The following AGMO variants were observed in gnomAD, a reference collection of about 807,000 sequenced individuals.
AGMO encodes alkylglycerol monooxygenase.
A neutral mutation model predicts 60.2 loss-of-function variants in AGMO; 75 were observed. That is an observed-to-expected ratio of 1.25 (90% CI 1.03 to 1.51). AGMO has a LOEUF of 1.51. Ranked by LOEUF, AGMO falls within the 40% of genes most tolerant of loss-of-function variation. AGMO has a pLI of 0.00. For synonymous variants in AGMO, 261 were observed against 177.1 expected (o/e 1.47, Z -3.76); for missense variants, 763 against 525.5 (o/e 1.45, Z -4.42).
chr7:15,325,638 A>T (rs1295335472), intron 12 of AGMO, among the ~76,000 whole-genome samples: 1 of 152,106 alleles, frequency 6.6e-6, no homozygotes, highest in Non-Finnish European at 1.5e-5. Context: ...AGAAAAAATA[A>T]CTCAAAACTT....
chr7:15,136,494 A>AT, the AGMO span, among the ~76,000 whole-genome samples: 17 of 150,704 alleles, frequency 1.1e-4, 1 homozygote, highest in East Asian at 3.9e-4. Context: ...TAACATCTGT[A>AT]TTTTTTTTTT....
chr7:15,344,652 G>A (rs1781970379), intron 12 of AGMO, among the ~76,000 whole-genome samples: 1 of 152,060 alleles, frequency 6.6e-6, no homozygotes, highest in Non-Finnish European at 1.5e-5. Flanking sequence ...GAGTCGTGAT[G>A]GTACCACTGC....
chr7:15,177,602 C>G, the AGMO span, among the ~76,000 whole-genome samples: 1 of 152,108 alleles, frequency 6.6e-6, no homozygotes, highest in Non-Finnish European at 1.5e-5. Flanking sequence ...TTTTCCTCTA[C>G]TTCAGAAGAC....
chr7:15,391,058 T>C (rs1023463773), intron 6 of AGMO, among the ~76,000 whole-genome samples, 153 bp from the exon 7 acceptor site: 5 of 152,140 alleles, frequency 3.3e-5, no homozygotes, highest in Non-Finnish European at 4.4e-5. Flanking sequence ...ACATCAGATT[T>C]TATTGTCTAA....
the AGMO span, among the ~76,000 whole-genome samples, chr7:15,167,755 T>C: frequency 2.0e-5 from 3 of 152,210 alleles, no homozygotes; most frequent in African/African-American, 7.2e-5. Context: ...AACCTGTCTT[T>C]TAGCTGTATG....
intron 3 of AGMO, among the ~76,000 whole-genome samples, chr7:15,455,971 C>T (rs1224995172): frequency 6.6e-6 from 1 of 152,020 alleles, no homozygotes; most frequent in Non-Finnish European, 1.5e-5. Context: ...TTTCTTAATG[C>T]ATTTTTTTAT....
intron 5 of AGMO, among the ~76,000 whole-genome samples, chr7:15,397,997 G>C (rs1411248494): frequency 2.0e-5 from 3 of 152,190 alleles, no homozygotes. Context: ...ATCCTCAGCA[G>C]TCAGGACATT....
the AGMO span, among the ~76,000 whole-genome samples, chr7:15,188,895 G>C: frequency 6.6e-6 from 1 of 152,264 alleles, no homozygotes; most frequent in South Asian, 2.1e-4. Flanking sequence ...GGAACAGTGA[G>C]GGTGAAAGCA....
At chr7:15,418,455 A>C (rs1780836636) in intron 5 of AGMO, 103 bp downstream of exon 5, 1 of 695,020 alleles carries the variant, frequency 1.4e-6, no homozygotes, top group Non-Finnish European at 2.4e-6. Flanking sequence ...GAAAAGGCAG[A>C]CAAAGATTTT....
chr7:15,520,085 T>A, intron 3 of AGMO, among the ~76,000 whole-genome samples: 1 of 148,670 alleles, frequency 6.7e-6, no homozygotes. Flanking sequence ...CCAACAAAGA[T>A]CAAAAAAGAC....
intron 12 of AGMO, among the ~76,000 whole-genome samples, chr7:15,251,055 G>A (rs1782919081): frequency 6.6e-6 from 1 of 151,852 alleles, no homozygotes; most frequent in Non-Finnish European, 1.5e-5. Flanking sequence ...TTTTTATACA[G>A]GCCTGTTTTG....
intron 3 of AGMO, among the ~76,000 whole-genome samples, chr7:15,436,796 TATTCTCTGGGACAATCATGGCAC>T (rs1348937565): frequency 1.3e-5 from 2 of 152,236 alleles, no homozygotes; most frequent in African/African-American, 4.8e-5. Flanking sequence ...TGGGTCCAAG[TATTCTCTGGGACAATCATGGCAC>T]ATCTTTGGTA....
At chr7:15,362,712 T>C (rs955584375) in intron 12 of AGMO, among the ~76,000 whole-genome samples, 1 of 152,224 alleles carries the variant, frequency 6.6e-6, no homozygotes, top group African/African-American at 2.4e-5. Context: ...GGTCCTCTTT[T>C]CCTTGGATCA....
intron 3 of AGMO, among the ~76,000 whole-genome samples, chr7:15,498,026 AAC>A (rs1390699178): frequency 6.6e-6 from 1 of 151,450 alleles, no homozygotes; most frequent in African/African-American, 2.4e-5. Flanking sequence ...CTGCACCCAC[AAC>A]ACACACGATA....
At chr7:15,223,505 A>C (rs1195868210) in intron 12 of AGMO, among the ~76,000 whole-genome samples, 3 of 152,008 alleles carry the variant, frequency 2.0e-5, no homozygotes, top group Non-Finnish European at 4.4e-5. Context: ...ACTTTTTAAA[A>C]AGAAAATGTA....
chr7:15,457,312 A>T (rs1782024766), intron 3 of AGMO, among the ~76,000 whole-genome samples: 1 of 152,168 alleles, frequency 6.6e-6, no homozygotes, highest in Non-Finnish European at 1.5e-5. Context: ...CATTCATTAC[A>T]ATAACAATGA....
chr7:15,338,060 A>G (rs1342111380), intron 12 of AGMO, among the ~76,000 whole-genome samples: 12 of 152,212 alleles, frequency 7.9e-5, no homozygotes, highest in Admixed American at 1.3e-4. Flanking sequence ...TTACTTTTAG[A>G]GTATGTTCAT....
intron 12 of AGMO, among the ~76,000 whole-genome samples, chr7:15,320,500 A>G (rs963227397): frequency 2.0e-5 from 3 of 152,070 alleles, no homozygotes; most frequent in African/African-American, 4.8e-5. Context: ...TTAAAAAAGA[A>G]CTTTTGATAT....
In AGMO at chr7:15,430,885, G is replaced by C. The variant is rs150306376; in HGVS notation, c.513+120C>G. 1,580 of 569,248 alleles carry C rather than the reference G, an allele frequency of 2.8e-3. 50 individuals are homozygous for C. The East Asian group carries it at 0.046, about 16-fold the overall frequency. The allele number at this position is 569,248 out of a possible 1,614,324, so 35.3% of individuals were successfully genotyped here. ...TTTTAGCATCTGGCTTTAGAAAGAAGAGAGAAGCATTTTAGTAAAACACCT... is the reference window on the plus strand; with the variant it reads ...TTTTAGCATCTGGCTTTAGAAAGAACAGAGAAGCATTTTAGTAAAACACCT... On this transcript the variant is annotated intron_variant, in intron 4 of 12. Coordinates refer to ENST00000342526, the MANE Select transcript of AGMO (RefSeq NM_001004320.2).
Sources: allele counts gnomAD v4.1 joint callset (sites outside exome capture counted in the v4.1 genomes callset), GRCh38; gene constraint gnomAD v4.1.1; transcripts MANE v1.5; gene names NCBI Gene and HGNC (gene_info 2026-07-23, HGNC 2026-07-21).